GIPC3: variants seen among roughly 807,000 people sequenced by gnomAD.
GIPC3 encodes GIPC PDZ domain containing family member 3.
GIPC3 carries 16 observed loss-of-function variants against 27.3 expected under a neutral mutation model. The observed-to-expected ratio is 0.59, with a 90% confidence interval of 0.40 to 0.89. The LOEUF (loss-of-function observed/expected upper bound fraction) is 0.89. Among genes scored for constraint, GIPC3 ranks in the 40% least tolerant of loss-of-function variants. The pLI, the probability that GIPC3 is intolerant of heterozygous loss-of-function variation, is 0.00. For synonymous variants in GIPC3, 194 were observed against 184.6 expected, an observed-to-expected ratio of 1.05 and a Z score of -0.41; for missense variants, 440 against 442.1, an observed-to-expected ratio of 1.00 and a Z score of 0.04.
chr19:3,592,120 C>T lies in GIPC3; in HGVS notation c.*1930C>T, dbSNP rs530431888. The T allele has an allele frequency of 6.7e-3, 8,244 of 1,232,068 alleles. 26 individuals are homozygous for T. The highest frequency in any genetic ancestry group is 7.8e-3 in the Non-Finnish European group (7,692 of 988,036). 76.3% of individuals were successfully genotyped at this position (1,232,068 alleles called of 1,614,324 possible). On this transcript the variant is annotated 3_prime_UTR_variant, in exon 6 of 6. Transcript: ENST00000644452. ...GTCCAATCTAGTCCTGGGACCCAGG[C>T]CATCGCAGCAATAGAATTAAGCTCC...
In GIPC3 at chr19:3,586,931, C is replaced by T. The variant is rs199987752; in HGVS notation, c.529C>T (p.Leu177Phe). The change falls in exon 3 of 6, where the codon CTC becomes TTC. Residue 177 changes from leucine to phenylalanine, a missense_variant. Transcript: ENST00000644452. ...GCRHYEVAKM[L>F]RELPKSQPFT... is the part of the protein sequence containing the mutation. Reference sequence around the variant, plus strand: ...CCGCCACTACGAGGTGGCCAAGATGCTCCGGGAGCTGCCCAAGTCCCAGCC... The same window carrying T: ...CCGCCACTACGAGGTGGCCAAGATGTTCCGGGAGCTGCCCAAGTCCCAGCC... 7 of 1,613,410 alleles carry T rather than the reference C, an allele frequency of 4.3e-6. No individual in the cohort carries two copies. The highest frequency in any genetic ancestry group is 2.2e-5 in the East Asian group (1 of 44,888).
chr19:3,589,760 G>C (rs1344789629), intron 4 of GIPC3, 71 bp from the exon 5 acceptor site: 2 of 1,451,586 alleles, frequency 1.4e-6, no homozygotes, highest in East Asian at 4.5e-5. Context: ...TTAGGGGTGG[G>C]GGTCGGGAGG....
At chr19:3,586,201 T>A (rs868314383) in intron 1 of GIPC3, among the ~76,000 whole-genome samples, 1 of 151,872 alleles carries the variant, frequency 6.6e-6, no homozygotes, top group Non-Finnish European at 1.5e-5. Context: ...CGCCGTGGGG[T>A]TGGGGGGTTC....
chr19:3,587,673 C>CTTT, intron 3 of GIPC3, among the ~76,000 whole-genome samples: 1 of 146,326 alleles, frequency 6.8e-6, no homozygotes, highest in South Asian at 2.2e-4. Flanking sequence ...TTTTTTTTTT[C>CTTT]CTTTCTTTTT....
chr19:3,585,666 G>A lies in GIPC3; in HGVS notation c.69G>A (p.Ala23=), dbSNP rs150473323. 1,728 of 1,255,888 alleles carry A rather than the reference G, an allele frequency of 1.4e-3. 4 individuals are homozygous for A. Among genetic ancestry groups the A allele is most frequent in the Non-Finnish European group, 1.6e-3 (1,619 of 1,002,452 alleles). 77.8% of individuals were successfully genotyped at this position (1,255,888 alleles called of 1,614,324 possible). The stretch of plus-strand genomic sequence containing the variant: ...CGCGCGCGTCTGCGCCCCCGCCCGC[G>A]CCCTCGGAGCCCCCGGCCGCGCCCC... The part of the protein sequence containing the change: ...ETPRASAPPP[A]PSEPPAAPRA... Residue 23 remains alanine (A), a synonymous_variant, in exon 1 of 6, where the codon GCG becomes GCA. Coordinates refer to ENST00000644452, the MANE Select transcript of GIPC3 (RefSeq NM_133261.3).
At chr19:3,586,078 G>A (rs1156456564) in intron 1 of GIPC3, among the ~76,000 whole-genome samples, 2 of 152,192 alleles carry the variant, frequency 1.3e-5, no homozygotes, top group Non-Finnish European at 2.9e-5. Context: ...AATCCTCTGC[G>A]CAGACCTAGC....
At chr19:3,588,715 C>A (rs765342896) in intron 3 of GIPC3, among the ~76,000 whole-genome samples, 1 of 150,730 alleles carries the variant, frequency 6.6e-6, no homozygotes, top group Non-Finnish European at 1.5e-5. Context: ...AAGGCCAAGG[C>A]GGGTGCATCA....
chr19:3,586,216 G>A (rs575624729), intron 1 of GIPC3, among the ~76,000 whole-genome samples: 1 of 152,172 alleles, frequency 6.6e-6, no homozygotes, highest in South Asian at 2.1e-4. Flanking sequence ...GGGTTCCTGG[G>A]CGTTTTTCCA....
chr19:3,589,762 G>T (rs778310822), intron 4 of GIPC3, 69 bp from the exon 5 acceptor site: 429 of 1,467,048 alleles, frequency 2.9e-4, no homozygotes, highest in Non-Finnish European at 3.6e-4. Flanking sequence ...AGGGGTGGGG[G>T]TCGGGAGGGG....
chr19:3,589,662 C>A, intron 4 of GIPC3, 107 bp downstream of exon 4: 1 of 1,153,722 alleles, frequency 8.7e-7, no homozygotes. Flanking sequence ...AGTTTCTCTG[C>A]CTGCAAAATG....
rs2032503689 is a variant in GIPC3, at chr19:3,592,444, C to G, written c.*2254C>G. On this transcript the variant is annotated 3_prime_UTR_variant, in exon 6 of 6. Transcript: ENST00000644452. ...ACCCAGCTGATTTCCGGAGCCCAAC[C>G]CAGCTCCAGAACTCAGACTAGTTCT... 1.6e-6 allele frequency: 2 copies of G among 1,231,972 alleles called. No homozygotes were observed. The highest frequency in any genetic ancestry group is 3.2e-5 in the East Asian group (1 of 31,698). The allele number at this position is 1,231,972 out of a possible 1,614,324, so 76.3% of individuals were successfully genotyped here.
Position 3,589,573 on chromosome 19 carries a change from G to A in GIPC3, c.705+18G>A, listed in dbSNP as rs1400074938. On this transcript the variant is annotated intron_variant, in intron 4 of 5. Transcript: ENST00000644452. The stretch of plus-strand genomic sequence containing the variant: ...AGGAAGCGGTGAGTGAAGGGGAGGG[G>A]CTCTCCCCAGGCTTCTGCACCTTCA... 1 of 1,569,938 alleles carries A rather than the reference G, an allele frequency of 6.4e-7. No individual in the cohort carries two copies. The highest frequency in any genetic ancestry group is 8.8e-7 in the Non-Finnish European group (1 of 1,140,290).
Position 3,590,423 on chromosome 19 carries a change from T to A in GIPC3, c.*233T>A. 2 of 1,431,066 alleles carry A rather than the reference T, an allele frequency of 1.4e-6. No individual in the cohort carries two copies. Among genetic ancestry groups the A allele is most frequent in the South Asian group, 3.0e-5 (2 of 66,320 alleles). 88.6% of individuals were successfully genotyped at this position (1,431,066 alleles called of 1,614,324 possible). ...CTGAGACCAAGCCCAGCATTGAGAA[T>A]AAGCTCTGTTCTAAAACTCAGGCCA... On this transcript the variant is annotated 3_prime_UTR_variant, in exon 6 of 6. Transcript: ENST00000644452.
chr19:3,589,502 G>T lies in GIPC3; in HGVS notation c.652G>T (p.Gly218Trp). 1.2e-6 allele frequency: 2 copies of T among 1,614,054 alleles called. No individual in the cohort carries two copies. The highest frequency in any genetic ancestry group is 1.7e-6 in the Non-Finnish European group (2 of 1,180,024). The stretch of plus-strand genomic sequence containing the variant: ...TCCAGTAGAGGCGAAAGTGACCAGC[G>T]GGAGGGAGACCCTGCGGCTTCGTTC... Reference protein sequence around the residue: ...KCPVEAKVTSGRETLRLRSGG... With the variant: ...KCPVEAKVTSWRETLRLRSGG... Residue 218 changes from glycine to tryptophan, a missense_variant, in exon 4 of 6, where the codon GGG becomes TGG. Transcript: ENST00000644452.
chr19:3,586,885 C>T lies in GIPC3; in HGVS notation c.483C>T (p.Asn161=), dbSNP rs759391902. 1.9e-6 allele frequency: 3 copies of T among 1,613,398 alleles called. No individual in the cohort carries two copies. The highest frequency in any genetic ancestry group is 2.2e-5 in the East Asian group (1 of 44,878). The part of the protein sequence containing the change: ...VCVGDSIEAI[N]DHSIVGCRHY... ...TGGGTGACAGCATCGAAGCCATCAA[C>T]GACCACTCCATTGTGGGCTGCCGCC... The change falls in exon 3 of 6, where the codon AAC becomes AAT. Residue 161 remains asparagine (N), a synonymous_variant. Transcript: ENST00000644452.
chr19:3,591,860 GC>G lies in GIPC3; in HGVS notation c.*1674del. The stretch of plus-strand genomic sequence containing the variant: ...GCTCCAGCACACAGCTTGGTGCCAA[GC>G]CCCACTCTCCTTGCACAATGCAGCT... On this transcript the variant is annotated 3_prime_UTR_variant, in exon 6 of 6. Transcript: ENST00000644452. The G allele has an allele frequency of 1.6e-6, 2 of 1,232,996 alleles. No individual in the cohort carries two copies. Among genetic ancestry groups the G allele is most frequent in the Non-Finnish European group, 2.0e-6 (2 of 988,804 alleles). The allele number at this position is 1,232,996 out of a possible 1,614,324, so 76.4% of individuals were successfully genotyped here.
chr19:3,591,166 C>T lies in GIPC3; in HGVS notation c.*976C>T. On this transcript the variant is annotated 3_prime_UTR_variant, in exon 6 of 6. Coordinates refer to ENST00000644452, the MANE Select transcript of GIPC3 (RefSeq NM_133261.3). ...ACCCAGATAAGCTCTGAAACCAATCCCAGCATTGAGACCAAGCCCTGTTCT... is the reference window on the plus strand; with the variant it reads ...ACCCAGATAAGCTCTGAAACCAATCTCAGCATTGAGACCAAGCCCTGTTCT... 1 of 1,233,160 alleles carries T rather than the reference C, an allele frequency of 8.1e-7. No homozygotes were observed. The highest frequency in any genetic ancestry group is 4.2e-5 in the Admixed American group (1 of 23,710). The allele number at this position is 1,233,160 out of a possible 1,614,324, so 76.4% of individuals were successfully genotyped here.
In GIPC3 at chr19:3,592,984, T is replaced by C; in HGVS notation, c.*2794T>C. On this transcript the variant is annotated 3_prime_UTR_variant, in exon 6 of 6. Coordinates refer to ENST00000644452, the MANE Select transcript of GIPC3 (RefSeq NM_133261.3). Reference sequence around the variant, plus strand: ...GCCCCTAGCAAAGACCCCCAGCCTCTGCCTCAGCCCCATGATCAGGTATGT... The same window carrying C: ...GCCCCTAGCAAAGACCCCCAGCCTCCGCCTCAGCCCCATGATCAGGTATGT... The C allele has an allele frequency of 1.2e-6, 1 of 863,394 alleles. No individual in the cohort carries two copies. Among genetic ancestry groups the C allele is most frequent in the Admixed American group, 1.6e-4 (1 of 6,228 alleles). The allele number at this position is 863,394 out of a possible 1,614,324, so 53.5% of individuals were successfully genotyped here.
intron 3 of GIPC3, among the ~76,000 whole-genome samples, 183 bp downstream of exon 3, chr19:3,587,177 G>A (rs1283379055): frequency 6.6e-6 from 1 of 152,030 alleles, no homozygotes; most frequent in African/African-American, 2.4e-5. Flanking sequence ...TATGGAGTCA[G>A]CCTGTGGGGG....
Sources: allele counts gnomAD v4.1 joint callset (sites outside exome capture counted in the v4.1 genomes callset), GRCh38; gene constraint gnomAD v4.1.1; transcripts MANE v1.5; gene names NCBI Gene and HGNC (gene_info 2026-07-23, HGNC 2026-07-21).